C5orf46: variants seen among roughly 807,000 people sequenced by gnomAD.
C5orf46 encodes chromosome 5 open reading frame 46.
Under a neutral mutation model 8.9 loss-of-function variants are expected in C5orf46, and 9 were observed. That is an observed-to-expected ratio of 1.01 (90% CI 0.61 to 1.76). The LOEUF is 1.76. Among genes scored for constraint, C5orf46 ranks in the 40% most tolerant of loss-of-function variants. C5orf46 has a pLI of 0.00. For synonymous variants in C5orf46, 47 were observed against 41.4 expected (o/e 1.14, Z -0.52); for missense variants, 98 against 107.8 (o/e 0.91, Z 0.40).
chr5:147,900,255 T>C (rs1181387245), intron 2 of C5orf46, among the ~76,000 whole-genome samples: 1 of 151,852 alleles, frequency 6.6e-6, no homozygotes, highest in Non-Finnish European at 1.5e-5. Flanking sequence ...ATGTAACAAT[T>C]AAAAAAAAGC....
chr5:147,891,224 G>T (rs977436795), downstream of C5orf46, among the ~76,000 whole-genome samples: 2 of 152,232 alleles, frequency 1.3e-5, no homozygotes, highest in Admixed American at 1.3e-4. Flanking sequence ...CACTTCAATC[G>T]CATTGCAGTT....
In C5orf46 at chr5:147,897,020, A is replaced by G. The variant is rs917569878; in HGVS notation, c.237T>C (p.Asp79=). 1 of 1,508,512 alleles carries G rather than the reference A, an allele frequency of 6.6e-7. No individual in the cohort carries two copies. Among genetic ancestry groups the G allele is most frequent in the African/African-American group, 1.4e-5 (1 of 73,052 alleles). The allele number at this position is 1,508,512 out of a possible 1,614,324, so 93.4% of individuals were successfully genotyped here. ...ACTTTGATGAATGTTTTCCTTCATTATCATCAAATTCCATAAATCCTCTTG... is the reference window on the plus strand; with the variant it reads ...ACTTTGATGAATGTTTTCCTTCATTGTCATCAAATTCCATAAATCCTCTTG... The part of the protein sequence containing the change: ...SRSTGFMEFD[D]NEGKHSSK The change falls in exon 3 of 4, where the codon GAT becomes GAC. Residue 79 remains aspartate, a synonymous_variant. Coordinates refer to ENST00000318315, the MANE Select transcript of C5orf46 (RefSeq NM_206966.3).
downstream of C5orf46, among the ~76,000 whole-genome samples, chr5:147,891,786 C>A (rs1222472891): frequency 6.6e-6 from 1 of 152,168 alleles, no homozygotes; most frequent in East Asian, 1.9e-4. Context: ...GAAATTGACA[C>A]AATCCCTAGA....
In C5orf46 at chr5:147,896,987, A is replaced by G. The variant is rs771171568; in HGVS notation, c.*6T>C. ...TAAATTTTAAGTGAAAAATCACCTG[A>G]GGATGTCACTTTGATGAATGTTTTC... is the stretch of plus-strand genomic sequence containing the variant. On this transcript the variant is annotated 3_prime_UTR_variant, in exon 3 of 4. Coordinates refer to ENST00000318315, the MANE Select transcript of C5orf46 (RefSeq NM_206966.3). The G allele has an allele frequency of 2.0e-6, 3 of 1,483,068 alleles. No homozygotes were observed. Among genetic ancestry groups the G allele is most frequent in the South Asian group, 1.2e-5 (1 of 83,068 alleles). 91.9% of individuals were successfully genotyped at this position (1,483,068 alleles called of 1,614,324 possible). A position where few individuals can be genotyped will look rare whatever the true frequency, so the allele number is the denominator to read the frequency against.
intron 1 of C5orf46, among the ~76,000 whole-genome samples, chr5:147,904,987 G>A (rs1355464733): frequency 6.6e-6 from 1 of 150,870 alleles, no homozygotes; most frequent in East Asian, 1.9e-4. Context: ...CTGTTTTATT[G>A]TTACTATTAA....
intron 2 of C5orf46, among the ~76,000 whole-genome samples, chr5:147,900,198 T>C (rs958428166): frequency 2.6e-5 from 4 of 152,194 alleles, no homozygotes; most frequent in Non-Finnish European, 4.4e-5. Flanking sequence ...TTGTTTACAT[T>C]AACAGTCTTG....
chr5:147,902,010 A>G (rs963701492), intron 1 of C5orf46, among the ~76,000 whole-genome samples: 1 of 152,226 alleles, frequency 6.6e-6, no homozygotes, highest in Non-Finnish European at 1.5e-5. Flanking sequence ...AGACACTGGC[A>G]CCGCCTGGTG....
chr5:147,900,595 T>A (rs914836836), intron 2 of C5orf46, among the ~76,000 whole-genome samples: 1 of 152,234 alleles, frequency 6.6e-6, no homozygotes, highest in Non-Finnish European at 1.5e-5. Flanking sequence ...AAAATTTCTG[T>A]ATATCAGAAT....
At chr5:147,901,891 G>T (rs568721946) in intron 1 of C5orf46, 118 bp from the exon 2 acceptor site, 8 of 1,019,108 alleles carry the variant, frequency 7.8e-6, no homozygotes, top group Non-Finnish European at 1.1e-5. Flanking sequence ...AGCCTTATAT[G>T]GTTATATTCA....
At chr5:147,888,954 G>A (rs1339298655), downstream of C5orf46, among the ~76,000 whole-genome samples, 4 of 152,100 alleles carry the variant, frequency 2.6e-5, no homozygotes, top group Non-Finnish European at 2.9e-5. Context: ...GGGCCAATAA[G>A]GGAGTGGCTA....
chr5:147,887,332 T>C (rs773729274), intron 2 of C5orf46: 1 of 152,090 alleles, frequency 6.6e-6, no homozygotes, highest in African/African-American at 2.4e-5. Context: ...TCACTGGGGA[T>C]TCACAACTAA....
Position 147,894,947 on chromosome 5 carries a change from C to A in C5orf46, c.*10-2008G>T, listed in dbSNP as rs140500583. On this transcript the variant is annotated intron_variant, in intron 3 of 3. Transcript: ENST00000318315. ...GTGTGGTGATGCACACCTGTAGTCC[C>A]AGCTACTCGGGAGGCTGAGTCAGGA... Among the ~76,000 whole-genome samples, 550 of 151,712 alleles carry A rather than the reference C, an allele frequency of 3.6e-3. 4 individuals are homozygous for A. Among genetic ancestry groups the A allele is most frequent in the African/African-American group, 0.013 (531 of 41,348 alleles).
At chr5:147,887,364 C>T (rs544422151) in intron 2 of C5orf46, 6 of 152,234 alleles carry the variant, frequency 3.9e-5, no homozygotes, top group Admixed American at 1.3e-4. Flanking sequence ...CTGATGCTCC[C>T]CCTTTCTAGT....
intron 3 of C5orf46, among the ~76,000 whole-genome samples, chr5:147,894,251 C>T (rs1266266741): frequency 6.6e-6 from 1 of 152,072 alleles, no homozygotes; most frequent in Non-Finnish European, 1.5e-5. Context: ...AAAATTTATA[C>T]TTAAAATATC....
intron 1 of C5orf46, among the ~76,000 whole-genome samples, chr5:147,903,945 G>A (rs116063237): frequency 7.2e-5 from 11 of 151,970 alleles, no homozygotes; most frequent in Non-Finnish European, 1.0e-4. Flanking sequence ...ACGGGGTTTC[G>A]CCATATTGCC....
chr5:147,905,466 A>G (rs1351398536), intron 1 of C5orf46, among the ~76,000 whole-genome samples: 2 of 152,176 alleles, frequency 1.3e-5, no homozygotes, highest in Non-Finnish European at 2.9e-5. Context: ...AATGGACTGA[A>G]TAATATCCGT....
chr5:147,893,461 T>C (rs571061057), intron 3 of C5orf46, among the ~76,000 whole-genome samples: 1 of 151,966 alleles, frequency 6.6e-6, no homozygotes, highest in African/African-American at 2.4e-5. Context: ...ATTTTTTGTA[T>C]TTTTAGTAGA....
intron 1 of C5orf46, among the ~76,000 whole-genome samples, chr5:147,902,296 T>G (rs1757683960): frequency 6.6e-6 from 1 of 151,792 alleles, no homozygotes; most frequent in South Asian, 2.1e-4. Flanking sequence ...CTACAAAAAG[T>G]AAAAAGTAGC....
At chr5:147,891,184 T>C (rs903500189), downstream of C5orf46, among the ~76,000 whole-genome samples, 1 of 152,164 alleles carries the variant, frequency 6.6e-6, no homozygotes, top group African/African-American at 2.4e-5. Context: ...TCTTCACCTG[T>C]CATATGCAGA....
Sources: allele counts gnomAD v4.1 joint callset (sites outside exome capture counted in the v4.1 genomes callset), GRCh38; gene constraint gnomAD v4.1.1; transcripts MANE v1.5; gene names NCBI Gene and HGNC (gene_info 2026-07-23, HGNC 2026-07-21).